Variants in THPO observed in about 807,000 individuals in gnomAD.
THPO encodes the protein MPL ligand.
In THPO, 12 loss-of-function variants were observed where a neutral mutation model predicts 17.0. The ratio of observed to expected loss-of-function variants is 0.71; its 90% CI spans 0.45 to 1.14. The LOEUF is 1.14. Among genes scored for constraint, THPO ranks in the 50% most tolerant of loss-of-function variants. The pLI is 0.00. For synonymous variants in THPO, 188 were observed against 183.0 expected (o/e 1.03, Z -0.22); for missense variants, 365 against 427.5 (o/e 0.85, Z 1.29).
Position 184,372,411 on chromosome 3 carries a change from C to T in THPO, c.*102G>A. 7.0e-7 allele frequency: 1 copy of T among 1,437,412 alleles called. No individual in the cohort carries two copies. Among genetic ancestry groups the T allele is most frequent in the Non-Finnish European group, 9.8e-7 (1 of 1,022,438 alleles). The allele number at this position is 1,437,412 out of a possible 1,614,324, so 89.0% of individuals were successfully genotyped here. A position where few individuals can be genotyped will look rare whatever the true frequency, so the allele number is the denominator to read the frequency against. ...TCCCTTTTACCAGGGCTTTGGGTTT[C>T]AGGAGAAAGTAGGAAATCTTGTCCA... On this transcript the variant is annotated 3_prime_UTR_variant, in exon 6 of 6. Coordinates refer to ENST00000647395, the MANE Select transcript of THPO (RefSeq NM_000460.4).
chr3:184,378,234 A>G (rs575770499), upstream of THPO: 70 of 985,474 alleles, frequency 7.1e-5, no homozygotes, highest in African/African-American at 1.2e-3. Flanking sequence ...GAGCCACCAG[A>G]CACTGGTGAA....
chr3:184,378,004 C>A (rs901763363), intron 1 of THPO, 71 bp downstream of exon 1: 8 of 976,798 alleles, frequency 8.2e-6, no homozygotes, highest in Non-Finnish European at 9.7e-6. Flanking sequence ...GCCCCTCCCC[C>A]AGCTGGGAGC....
intron 1 of THPO, 78 bp downstream of exon 1, chr3:184,377,997 C>T: frequency 1.0e-6 from 1 of 967,686 alleles, no homozygotes; most frequent in South Asian, 4.8e-5. Context: ...TTTGCCTGCC[C>T]CTCCCCCAGC....
At chr3:184,376,045 TGAG>T in intron 2 of THPO, 30 bp from the exon 3 acceptor site, 4 of 1,613,848 alleles carry the variant, frequency 2.5e-6, no homozygotes, top group Non-Finnish European at 3.4e-6. Context: ...GGTTGAAAGA[TGAG>T]GAGGAAATCA....
chr3:184,379,015 C>A (rs1714730295), upstream of THPO, among the ~76,000 whole-genome samples: 2 of 152,120 alleles, frequency 1.3e-5, no homozygotes, highest in Admixed American at 6.5e-5. Context: ...CAGTCCCAGT[C>A]TCCCCACAGT....
intron 4 of THPO, 105 bp downstream of exon 4, chr3:184,375,410 G>A (rs1177967642): frequency 8.2e-7 from 1 of 1,216,066 alleles, no homozygotes; most frequent in Non-Finnish European, 1.2e-6. Flanking sequence ...CAAGCTGAAG[G>A]TGAGATATTT....
intron 3 of THPO, 88 bp downstream of exon 3, chr3:184,375,800 G>A: frequency 1.3e-6 from 2 of 1,591,746 alleles, no homozygotes; most frequent in East Asian, 2.2e-5. Context: ...ATTGGGTCAA[G>A]GAGTTAGAGG....
At chr3:184,378,797 TAC>T, upstream of THPO, 1 of 985,296 alleles carries the variant, frequency 1.0e-6, no homozygotes, top group Non-Finnish European at 1.2e-6. Flanking sequence ...CTTAGATGGC[TAC>T]ACACACAGAC....
upstream of THPO, among the ~76,000 whole-genome samples, chr3:184,379,263 C>G (rs1352185602): frequency 6.6e-6 from 1 of 151,888 alleles, no homozygotes. Flanking sequence ...AGACAGGAGA[C>G]AGGGAGGCAG....
In THPO at chr3:184,372,861, C is replaced by T; in HGVS notation, c.714G>A (p.Arg238=). The change falls in exon 6 of 6, where the codon AGG becomes AGA. Residue 238 remains arginine, a synonymous_variant. Transcript: ENST00000647395. ...GGTATCCGGGGATTTGGTCCAGGGA[C>T]CTGGAGGTTTGGTTCAGCAGACCAG... ...KIPGLLNQTS[R]SLDQIPGYLN... 3 of 1,614,090 alleles carry T rather than the reference C, an allele frequency of 1.9e-6. No individual in the cohort carries two copies. The highest frequency in any genetic ancestry group is 2.5e-6 in the Non-Finnish European group (3 of 1,180,016).
Position 184,375,507 on chromosome 3 carries a change from T to A in THPO, c.228+8A>T. On this transcript the variant is annotated splice_region_variant and intron_variant, in intron 4 of 5. Transcript: ENST00000647395. ...TAGGGAAGCCAAGGTTAGGGATGGC[T>A]TTCTTACCATCTGGGTTTTCCATTC... 1.2e-6 allele frequency: 2 copies of A among 1,614,050 alleles called. No individual in the cohort carries two copies. The highest frequency in any genetic ancestry group is 2.2e-5 in the South Asian group (2 of 91,082).
In THPO at chr3:184,372,859, G is replaced by A; in HGVS notation, c.716C>T (p.Ser239Phe). 10 of 1,614,046 alleles carry A rather than the reference G, an allele frequency of 6.2e-6. No homozygotes were observed. The South Asian group carries it at 8.8e-5, about 14-fold the overall frequency. Reference sequence around the variant, plus strand: ...CAGGTATCCGGGGATTTGGTCCAGGGACCTGGAGGTTTGGTTCAGCAGACC... The same window carrying A: ...CAGGTATCCGGGGATTTGGTCCAGGAACCTGGAGGTTTGGTTCAGCAGACC... ...IPGLLNQTSR[S>F]LDQIPGYLNR... Residue 239 changes from serine to phenylalanine, a missense_variant, in exon 6 of 6, where the codon TCC (serine) becomes TTC (phenylalanine). Physicochemically the swap from Ser to Phe is radical, Grantham distance 155. Coordinates refer to ENST00000647395, the MANE Select transcript of THPO (RefSeq NM_000460.4).
At chr3:184,373,729 A>G (rs933729162) in intron 4 of THPO, 147 bp from the exon 5 acceptor site, 2 of 918,644 alleles carry the variant, frequency 2.2e-6, no homozygotes, top group Non-Finnish European at 3.4e-6. Context: ...GAATTCCTTC[A>G]CAGTCTCCCG....
intron 1 of THPO, among the ~76,000 whole-genome samples, chr3:184,376,688 C>CA (rs1343313216): frequency 1.3e-5 from 2 of 151,840 alleles, no homozygotes; most frequent in Admixed American, 6.6e-5. Context: ...CTACGAAATA[C>CA]AAAAAAACTA....
chr3:184,374,152 C>T (rs533702551), intron 4 of THPO, among the ~76,000 whole-genome samples: 2 of 152,194 alleles, frequency 1.3e-5, no homozygotes, highest in African/African-American at 4.8e-5. Context: ...CGCTTGAATC[C>T]GGGAGGCTGA....
Position 184,372,953 on chromosome 3 carries a change from T to G in THPO, c.622A>C (p.Thr208Pro). The change falls in exon 6 of 6, where the codon ACT (threonine) becomes CCT (proline). Residue 208 changes from threonine (T) to proline (P), a missense_variant. Transcript: ENST00000647395. ...GAGCCAGTAGTTCTGGCTGAGGCAG[T>G]GAAGTTTGTCTCCAACAATCCAGAA... ...RTSGLLETNF[T>P]ASARTTGSGL... 1.2e-6 allele frequency: 2 copies of G among 1,614,150 alleles called. No individual in the cohort carries two copies. Among genetic ancestry groups the G allele is most frequent in the Non-Finnish European group, 1.7e-6 (2 of 1,180,026 alleles).
In THPO at chr3:184,376,316, C is replaced by T; in HGVS notation, c.-57G>A. ...CTGTTTGGGGCCTCTCCCCTGAATC[C>T]TTCCTGGGGCCATGGAGGCGGCTTA... On this transcript the variant is annotated 5_prime_UTR_variant, in exon 2 of 6. Coordinates refer to ENST00000647395, the MANE Select transcript of THPO (RefSeq NM_000460.4). 1.2e-6 allele frequency: 2 copies of T among 1,614,186 alleles called. No homozygotes were observed. The highest frequency in any genetic ancestry group is 1.7e-6 in the Non-Finnish European group (2 of 1,180,028).
At chr3:184,378,660 G>T, upstream of THPO, 1 of 382,458 alleles carries the variant, frequency 2.6e-6, no homozygotes, top group Non-Finnish European at 3.6e-6. Flanking sequence ...CTCCTGTTAT[G>T]GGTTGGTGTT....
At chr3:184,376,194 C>T (rs1714384993) in intron 2 of THPO, 53 bp downstream of exon 2, 2 of 1,613,814 alleles carry the variant, frequency 1.2e-6, no homozygotes, top group Non-Finnish European at 1.7e-6. Flanking sequence ...TCCTTTCTCT[C>T]TCCCCTTCTG....
Sources: allele counts gnomAD v4.1 joint callset (sites outside exome capture counted in the v4.1 genomes callset), GRCh38; gene constraint gnomAD v4.1.1; transcripts MANE v1.5; gene names NCBI Gene and HGNC (gene_info 2026-07-23, HGNC 2026-07-21).